The following MTMR3 variants were observed in gnomAD, a reference collection of about 807,000 sequenced individuals.
MTMR3 encodes myotubularin related protein 3, also known as phosphatidylinositol-3,5-bisphosphate 3-phosphatase MTMR3.
MTMR3 carries 32 observed loss-of-function variants against 132.4 expected under a neutral mutation model. That is an observed-to-expected ratio of 0.24 (90% CI 0.18 to 0.32). MTMR3 has a LOEUF of 0.32. Among genes scored for constraint, MTMR3 ranks in the 10% least tolerant of loss-of-function variants. The pLI, the probability that MTMR3 is intolerant of heterozygous loss-of-function variation, is 1.00. For missense variants in MTMR3, 1,216 were observed against 1,489.6 expected (o/e 0.82, Z 3.02); for synonymous variants, 556 against 550.3 (o/e 1.01, Z -0.14).
chr22:29,939,697 G>A (rs1342676729), intron 1 of MTMR3, among the ~76,000 whole-genome samples: 1 of 151,802 alleles, frequency 6.6e-6, no homozygotes, highest in Non-Finnish European at 1.5e-5. Context: ...TTTCAGATGA[G>A]ATTGGGAACA....
intron 1 of MTMR3, among the ~76,000 whole-genome samples, chr22:29,956,042 G>A (rs1216023168): frequency 2.0e-5 from 3 of 152,092 alleles, no homozygotes; most frequent in South Asian, 2.1e-4. Flanking sequence ...ATGAGCCACC[G>A]CGCCTGGCCT....
At chr22:29,913,624 T>C (rs1309474861) in intron 1 of MTMR3, among the ~76,000 whole-genome samples, 1 of 152,236 alleles carries the variant, frequency 6.6e-6, no homozygotes, top group Non-Finnish European at 1.5e-5. Flanking sequence ...TGAGAATCAT[T>C]CATATTGTTA....
chr22:29,953,199 C>G (rs1775351338), intron 1 of MTMR3, among the ~76,000 whole-genome samples: 1 of 152,154 alleles, frequency 6.6e-6, no homozygotes, highest in South Asian at 2.1e-4. Context: ...AGAAAGTATT[C>G]TGTTGTTCTT....
At chr22:29,972,810 A>G (rs1286499851) in intron 3 of MTMR3, among the ~76,000 whole-genome samples, 1 of 152,234 alleles carries the variant, frequency 6.6e-6, no homozygotes, top group Non-Finnish European at 1.5e-5. Flanking sequence ...ACCTCAGGTG[A>G]TGTGCCTGCC....
Position 30,020,845 on chromosome 22 carries a change from C to T in MTMR3, c.3186C>T (p.Thr1062=), listed in dbSNP as rs1272597139. 2 of 1,604,394 alleles carry T rather than the reference C, an allele frequency of 1.2e-6. No individual in the cohort carries two copies. The highest frequency in any genetic ancestry group is 2.7e-5 in the African/African-American group (2 of 74,762). Residue 1062 remains threonine (T), a synonymous_variant, in exon 17 of 20, where the codon ACC becomes ACT. Transcript: ENST00000401950. ...LKSRLESQYL[T]SSLHFNGDFG... ...GTCGCCTGGAGAGCCAGTACCTGACCAGCTCCCTACACTTTAATGGAGACT... is the reference window on the plus strand; with the variant it reads ...GTCGCCTGGAGAGCCAGTACCTGACTAGCTCCCTACACTTTAATGGAGACT...
Position 30,027,405 on chromosome 22 carries a change from C to G in MTMR3, c.*1604C>G, listed in dbSNP as rs1297720112. Reference sequence around the variant, plus strand: ...TGGCCCAGAAGGCTTCCCTGGTGCTCTCAGTCCAGGCAAAGCCCAGAGCAT... The same window carrying G: ...TGGCCCAGAAGGCTTCCCTGGTGCTGTCAGTCCAGGCAAAGCCCAGAGCAT... On this transcript the variant is annotated 3_prime_UTR_variant, in exon 20 of 20. Transcript: ENST00000401950. 6.5e-6 allele frequency: 1 copy of G among 152,794 alleles called. No homozygotes were observed. The highest frequency in any genetic ancestry group is 2.4e-5 in the African/African-American group (1 of 41,440). 9.5% of individuals were successfully genotyped at this position (152,794 alleles called of 1,614,324 possible). A position where few individuals can be genotyped will look rare whatever the true frequency, so the allele number is the denominator to read the frequency against.
chr22:30,005,811 C>A (rs1383783149), intron 9 of MTMR3: 1 of 152,176 alleles, frequency 6.6e-6, no homozygotes, highest in African/African-American at 2.4e-5. Flanking sequence ...CCCAGCCACC[C>A]TAGCCCTGAA....
intron 3 of MTMR3, among the ~76,000 whole-genome samples, chr22:29,974,542 G>C (rs1319143326): frequency 6.6e-6 from 1 of 152,224 alleles, no homozygotes; most frequent in Admixed American, 6.5e-5. Context: ...CTAATTCTCA[G>C]TTGTTTTATG....
intron 1 of MTMR3, among the ~76,000 whole-genome samples, chr22:29,939,727 A>T (rs945054421): frequency 6.6e-6 from 1 of 151,932 alleles, no homozygotes; most frequent in African/African-American, 2.4e-5. Context: ...GTATGGCCGT[A>T]GGCAGTATGG....
intron 1 of MTMR3, among the ~76,000 whole-genome samples, chr22:29,939,988 C>T (rs2065825198): frequency 1.3e-5 from 2 of 152,192 alleles, no homozygotes; most frequent in African/African-American, 4.8e-5. Context: ...TTTCCCTGCC[C>T]TTAAGAAGGT....
At chr22:29,968,229 A>G (rs1450311291) in intron 2 of MTMR3, among the ~76,000 whole-genome samples, 1 of 152,104 alleles carries the variant, frequency 6.6e-6, no homozygotes, top group South Asian at 2.1e-4. Flanking sequence ...TCACCTTCAC[A>G]TTCCATCTAC....
intron 1 of MTMR3, among the ~76,000 whole-genome samples, chr22:29,935,522 CA>C (rs1393177208): frequency 1.3e-5 from 2 of 152,138 alleles, no homozygotes; most frequent in African/African-American, 4.8e-5. Context: ...TTGTTTAAAA[CA>C]GCAGAAACTG....
chr22:29,982,073 G>A, intron 5 of MTMR3: 1 of 151,754 alleles, frequency 6.6e-6, no homozygotes, highest in East Asian at 1.9e-4. Flanking sequence ...GCCGGACGTG[G>A]TGGCAGGCAC....
chr22:29,975,310 T>C (rs1219295590), intron 3 of MTMR3, among the ~76,000 whole-genome samples: 1 of 152,194 alleles, frequency 6.6e-6, no homozygotes, highest in Non-Finnish European at 1.5e-5. Context: ...ACCAATTATA[T>C]AGTAGCATAA....
At chr22:29,913,811 G>A (rs2065259244) in intron 1 of MTMR3, among the ~76,000 whole-genome samples, 1 of 151,904 alleles carries the variant, frequency 6.6e-6, no homozygotes, top group Non-Finnish European at 1.5e-5. Context: ...GAGTGCGGTG[G>A]CGAGATCTCG....
At chr22:29,930,852 A>C (rs2065628157) in intron 1 of MTMR3, among the ~76,000 whole-genome samples, 1 of 151,924 alleles carries the variant, frequency 6.6e-6, no homozygotes, top group Non-Finnish European at 1.5e-5. Context: ...TATAAAAATA[A>C]AAAAATTAGC....
At chr22:29,940,490 G>A (rs1455499127) in intron 1 of MTMR3, among the ~76,000 whole-genome samples, 1 of 149,972 alleles carries the variant, frequency 6.7e-6, no homozygotes, top group Non-Finnish European at 1.5e-5. Flanking sequence ...AGCCTGTTTG[G>A]TGGACTCTCT....
intron 18 of MTMR3, 121 bp from the exon 19 acceptor site, chr22:30,022,488 T>C: frequency 1.2e-6 from 1 of 817,274 alleles, no homozygotes; most frequent in South Asian, 1.5e-5. Context: ...TCAGATCTGC[T>C]GGGCTGGTGC....
At chr22:29,993,977 A>T (rs918706368) in intron 7 of MTMR3, 1 of 320,066 alleles carries the variant, frequency 3.1e-6, no homozygotes, top group African/African-American at 2.3e-5. Flanking sequence ...AACACTGGGC[A>T]AAGAATTTAT....
Sources: gnomAD v4.1 joint callset for allele counts (sites outside exome capture counted in the v4.1 genomes callset) on GRCh38, gnomAD v4.1.1 for gene constraint, MANE v1.5 for transcripts, NCBI Gene and HGNC (gene_info 2026-07-23, HGNC 2026-07-21) for gene names.